The following CYFIP1 variants were observed in gnomAD, a reference collection of about 807,000 sequenced individuals.
CYFIP1 encodes the protein cytoplasmic FMR1-interacting protein 1.
CYFIP1 carries 58 observed loss-of-function variants against 163.5 expected under a neutral mutation model. The ratio of observed to expected loss-of-function variants is 0.35; its 90% CI spans 0.29 to 0.44. CYFIP1 has a LOEUF of 0.44. Among genes scored for constraint, CYFIP1 ranks in the 20% least tolerant of loss-of-function variants. The pLI, the probability that CYFIP1 is intolerant of heterozygous loss-of-function variation, is 1.00. For missense variants in CYFIP1, 1,338 were observed against 1,653.8 expected (o/e 0.81, Z 3.31); for synonymous variants, 663 against 660.7 (o/e 1.00, Z -0.05).
chr15:22,932,391 C>A, intron 10 of CYFIP1, 51 bp from the exon 11 acceptor site: 2 of 1,377,176 alleles, frequency 1.5e-6, no homozygotes, highest in Non-Finnish European at 9.9e-7. Context: ...CGGCAGGCCA[C>A]AGCACTGGGG....
In CYFIP1 at chr15:22,936,751, C is replaced by T. The variant is rs147774800; in HGVS notation, c.900+353G>A. ...CGCCAACATTGGAACGGATAAGTTA[C>T]GGTGTAGTCATCAGATAGAAAACTA... On this transcript the variant is annotated intron_variant, in intron 9 of 30. Coordinates refer to ENST00000617928, the MANE Select transcript of CYFIP1 (RefSeq NM_014608.6). Among the ~76,000 whole-genome samples, 562 of 152,282 alleles carry T rather than the reference C, an allele frequency of 3.7e-3. 8 individuals carry two copies. The highest frequency in any genetic ancestry group is 0.013 in the African/African-American group (538 of 41,546).
At chr15:22,875,611 G>A (rs2059559011) in intron 26 of CYFIP1, 1 of 229,446 alleles carries the variant, frequency 4.4e-6, no homozygotes. Context: ...CTGTCTAAAA[G>A]CTCTCGCCCC....
chr15:22,876,792 C>T (rs563646001), intron 26 of CYFIP1, among the ~76,000 whole-genome samples: 129 of 151,736 alleles, frequency 8.5e-4, no homozygotes, highest in Admixed American at 2.4e-3. Context: ...GATTGTGCCA[C>T]TGCACTCCAG....
intron 1 of CYFIP1, among the ~76,000 whole-genome samples, chr15:22,978,525 TCTCA>T (rs751580905): frequency 2.0e-5 from 3 of 152,130 alleles, no homozygotes; most frequent in Non-Finnish European, 4.4e-5. Context: ...TGCAATATGA[TCTCA>T]CTATGTTATT....
intron 1 of CYFIP1, among the ~76,000 whole-genome samples, chr15:22,976,278 C>T (rs2063275849): frequency 6.6e-6 from 1 of 152,138 alleles, no homozygotes; most frequent in African/African-American, 2.4e-5. Flanking sequence ...CTGCTTCAGC[C>T]TCCTGAGTAG....
At chr15:22,954,992 T>A (rs1434476844) in intron 1 of CYFIP1, among the ~76,000 whole-genome samples, 1 of 152,120 alleles carries the variant, frequency 6.6e-6, no homozygotes, top group Non-Finnish European at 1.5e-5. Context: ...ACTGGCTCCG[T>A]GTCTGAGCTC....
intron 1 of CYFIP1, among the ~76,000 whole-genome samples, chr15:22,968,142 TA>T (rs1239336292): frequency 6.6e-6 from 1 of 151,792 alleles, no homozygotes; most frequent in Non-Finnish European, 1.5e-5. Flanking sequence ...TCTCAAAAAA[TA>T]AATAAATAAA....
At position 22,933,899 on chromosome 15, in the gene CYFIP1, T is replaced by G; in HGVS notation, c.901-6A>C. ...AGCGGAACCACCTGGAGTTGCTGTA[T>G]TCAAAGAACAAAAAAATAGAGTCAT... On this transcript the variant is annotated splice_region_variant and splice_polypyrimidine_tract_variant and intron_variant, in intron 9 of 30. Transcript: ENST00000617928. 1 of 1,598,022 alleles carries G rather than the reference T, an allele frequency of 6.3e-7. No homozygotes were observed. The highest frequency in any genetic ancestry group is 2.2e-5 in the East Asian group (1 of 44,692).
At chr15:22,872,027 T>C (rs1182688235) in intron 30 of CYFIP1, among the ~76,000 whole-genome samples, 1 of 152,164 alleles carries the variant, frequency 6.6e-6, no homozygotes, top group Non-Finnish European at 1.5e-5. Context: ...TGGGCGCGCC[T>C]GTAATCCTAG....
At chr15:22,912,626 T>C (rs745980607) in intron 17 of CYFIP1, among the ~76,000 whole-genome samples, 3 of 152,202 alleles carry the variant, frequency 2.0e-5, no homozygotes, top group African/African-American at 7.2e-5. Flanking sequence ...ATTTCCAGAA[T>C]GAACTCCAAG....
chr15:22,883,159 C>T, intron 23 of CYFIP1, 148 bp from the exon 24 acceptor site: 3 of 855,716 alleles, frequency 3.5e-6, no homozygotes, highest in Non-Finnish European at 5.1e-6. Flanking sequence ...TTAACTGGTA[C>T]AGTTACAAAA....
intron 25 of CYFIP1, among the ~76,000 whole-genome samples, chr15:22,881,279 C>A (rs1220795013): frequency 2.0e-5 from 3 of 152,192 alleles, no homozygotes; most frequent in Admixed American, 6.5e-5. Context: ...GAAAACTCGG[C>A]CAGGTAAGAG....
intron 1 of CYFIP1, among the ~76,000 whole-genome samples, chr15:22,974,965 C>A (rs774788214): frequency 2.6e-5 from 4 of 152,006 alleles, no homozygotes; most frequent in East Asian, 1.9e-4. Flanking sequence ...ACCAACCCAT[C>A]CACTTCCTCC....
intron 22 of CYFIP1, among the ~76,000 whole-genome samples, chr15:22,896,694 T>C (rs575063963): frequency 3.3e-5 from 5 of 152,296 alleles, no homozygotes; most frequent in Admixed American, 2.0e-4. Flanking sequence ...TATCTCTGCA[T>C]TGTTTTCCCT....
chr15:22,872,651 C>CAA, intron 30 of CYFIP1, 174 bp downstream of exon 30: 1 of 621,992 alleles, frequency 1.6e-6, no homozygotes, highest in Middle Eastern at 4.4e-4. Context: ...CTCTGCCAGA[C>CAA]TGCTTTACTG....
Position 22,953,435 on chromosome 15 carries a change from C to T in CYFIP1, c.-6-6144G>A, listed in dbSNP as rs564657033. Among the ~76,000 whole-genome samples, 40 of 152,322 alleles carry T rather than the reference C, an allele frequency of 2.6e-4. 1 individual carries two copies. The highest frequency in any genetic ancestry group is 1.7e-3 in the Admixed American group (26 of 15,304). ...GGCAATGCGTGACTCCAGCCGCCTGCACCCTGGGATTTTTTCCGGCCCTCC... is the reference window on the plus strand; with the variant it reads ...GGCAATGCGTGACTCCAGCCGCCTGTACCCTGGGATTTTTTCCGGCCCTCC... On this transcript the variant is annotated intron_variant, in intron 1 of 30. Coordinates refer to ENST00000617928, the MANE Select transcript of CYFIP1 (RefSeq NM_014608.6).
intron 11 of CYFIP1, among the ~76,000 whole-genome samples, chr15:22,931,685 T>TTA (rs2061538850): frequency 3.3e-5 from 1 of 30,712 alleles, no homozygotes. Context: ...AATGTTTTTC[T>TTA]GAAAAAAAAA....
chr15:22,945,080 C>T, intron 3 of CYFIP1, 141 bp from the exon 4 acceptor site: 1 of 825,286 alleles, frequency 1.2e-6, no homozygotes, highest in Non-Finnish European at 2.1e-6. Context: ...CTGCCAGAAG[C>T]TAGTGACACT....
chr15:22,937,793 T>A (rs62011562), intron 8 of CYFIP1, among the ~76,000 whole-genome samples: 35,291 of 151,734 alleles, frequency 0.23, 4,663 homozygotes, highest in Middle Eastern at 0.34. Flanking sequence ...TTAGTAGAGA[T>A]GGGGTTTCAC....
Sources: allele counts gnomAD v4.1 joint callset (sites outside exome capture counted in the v4.1 genomes callset), GRCh38; gene constraint gnomAD v4.1.1; transcripts MANE v1.5; gene names NCBI Gene and HGNC (gene_info 2026-07-23, HGNC 2026-07-21).